Variants in GPR84 observed in about 807,000 individuals in gnomAD.
GPR84 encodes the protein G protein-coupled receptor 84.
Under a neutral mutation model 14.9 loss-of-function variants are expected in GPR84, and 8 were observed. That is an observed-to-expected ratio of 0.54 (90% confidence interval 0.31 to 0.97). The LOEUF is 0.97. GPR84 is among the 50% of genes least tolerant of loss of function. The probability of loss-of-function intolerance (pLI) is 0.04; values close to 1 mark genes in which losing one functional copy is unlikely to be tolerated. For synonymous variants in GPR84, 164 were observed against 198.1 expected, an observed-to-expected ratio of 0.83 and a Z score of 1.45; for missense variants, 424 against 498.7, an observed-to-expected ratio of 0.85 and a Z score of 1.43.
chr12:54,363,013 C>G lies in GPR84; in HGVS notation c.839G>C (p.Ser280Thr). ...CTCTGCCATCTGCTTAGCTCTCTTG[C>G]TGTTGATCTGGTCTCCCACTTCTGA... ...DSSEVGDQINSKRAKQMAEKS... is the reference protein window; with the variant it reads ...DSSEVGDQINTKRAKQMAEKS... Residue 280 changes from serine to threonine, a missense_variant, in exon 2 of 2, where the codon AGC becomes ACC. By Grantham distance (58) the Ser-to-Thr change is moderately conservative. Coordinates refer to ENST00000267015, the MANE Select transcript of GPR84 (RefSeq NM_020370.3). 1 of 1,614,186 alleles carries G rather than the reference C, an allele frequency of 6.2e-7. No individual in the cohort carries two copies.
At position 54,362,664 on chromosome 12, in the gene GPR84, A is replaced by T. The variant is rs780922559; in HGVS notation, c.1188T>A (p.His396Gln). ...TCTGGTGACTAGGGTCACAGTTCTA[A>T]TGGAGCCTATGGAAACTCCGGGGCC... is the stretch of plus-strand genomic sequence containing the variant. Reference protein sequence around the residue: ...KRGPRSFHRLH With the variant: ...KRGPRSFHRLQ The change falls in exon 2 of 2, where the codon CAT (histidine) becomes CAA (glutamine). Residue 396 changes from histidine to glutamine, a missense_variant. Transcript: ENST00000267015. This position sits in a 1 kb window ranked among gnomAD's most constrained non-coding sequence, Gnocchi z 4.0. 2 of 1,596,070 alleles carry T rather than the reference A, an allele frequency of 1.3e-6. No individual in the cohort carries two copies. The highest frequency in any genetic ancestry group is 4.5e-5 in the East Asian group (2 of 44,700).
chr12:54,359,199 G>T (rs557598661), downstream of GPR84, among the ~76,000 whole-genome samples: 1 of 152,142 alleles, frequency 6.6e-6, no homozygotes, highest in Non-Finnish European at 1.5e-5. Flanking sequence ...CCCTCCCCGC[G>T]GCTGCTGAGC....
chr12:54,356,415 T>G, the GPR84 span, among the ~76,000 whole-genome samples: 1 of 152,096 alleles, frequency 6.6e-6, no homozygotes, highest in Non-Finnish European at 1.5e-5. Flanking sequence ...AGACAGGGTG[T>G]GTGCTTGAGG....
chr12:54,363,219 T>C lies in GPR84; in HGVS notation c.633A>G (p.Ala211=). 6.2e-7 allele frequency: 1 copy of C among 1,614,212 alleles called. No homozygotes were observed. Among genetic ancestry groups the C allele is most frequent in the Non-Finnish European group, 8.5e-7 (1 of 1,180,040 alleles). Reference sequence around the variant, plus strand: ...CCTGTCGCAACTTGTATTGGTCCAGTGCCTGTGCTGCTCGTTTGACCTGGC... The same window carrying C: ...CCTGTCGCAACTTGTATTGGTCCAGCGCCTGTGCTGCTCGTTTGACCTGGC... ...IHRQVKRAAQ[A]LDQYKLRQAS... is the part of the protein sequence containing the mutation. Residue 211 remains alanine, a synonymous_variant, in exon 2 of 2, where the codon GCA becomes GCG. Transcript: ENST00000267015.
At chr12:54,359,589 C>A (rs1283507617), downstream of GPR84, among the ~76,000 whole-genome samples, 1 of 152,114 alleles carries the variant, frequency 6.6e-6, no homozygotes, top group African/African-American at 2.4e-5. Flanking sequence ...GGATAGAGCT[C>A]GGACTCGGGC....
downstream of GPR84, among the ~76,000 whole-genome samples, chr12:54,358,051 G>A (rs924513555): frequency 4.3e-4 from 65 of 152,118 alleles, no homozygotes; most frequent in African/African-American, 1.4e-3. Flanking sequence ...ATGTGTGGGT[G>A]GGGCCTTGGG....
Position 54,363,766 on chromosome 12 carries a change from A to AC in GPR84, c.85dup (p.Val29GlyfsTer38). The AC allele has an allele frequency of 1.2e-6, 2 of 1,613,788 alleles. No individual in the cohort carries two copies. Among genetic ancestry groups the AC allele is most frequent in the Non-Finnish European group, 1.7e-6 (2 of 1,179,934 alleles). On this transcript the variant is annotated frameshift_variant, in exon 2 of 2. Coordinates refer to ENST00000267015, the MANE Select transcript of GPR84 (RefSeq NM_020370.3). LOFTEE classifies it high-confidence loss of function. ...GCCCACGGTGCCTGTCACAGCCACC[A>AC]CCACCCCCCAGCTAACTGCAACATA... is the stretch of plus-strand genomic sequence containing the variant.
Position 54,362,668 on chromosome 12 carries a change from A to T in GPR84, c.1184T>A (p.Leu395His), listed in dbSNP as rs559871359. Reference protein sequence around the residue: ...LKRGPRSFHRLH With the variant: ...LKRGPRSFHRHH ...GTGACTAGGGTCACAGTTCTAATGG[A>T]GCCTATGGAAACTCCGGGGCCCTCT... The change falls in exon 2 of 2, where the codon CTC (leucine) becomes CAC (histidine). Residue 395 changes from leucine (L) to histidine (H), a missense_variant. Physicochemically the swap from Leu to His is moderately conservative, Grantham distance 99. Transcript: ENST00000267015. This position sits in a 1 kb window ranked among gnomAD's most constrained non-coding sequence, Gnocchi z 4.0. 1 of 1,600,058 alleles carries T rather than the reference A, an allele frequency of 6.2e-7. No individual in the cohort carries two copies. Among genetic ancestry groups the T allele is most frequent in the Non-Finnish European group, 8.5e-7 (1 of 1,170,144 alleles).
chr12:54,351,304 C>T, the GPR84 span: 2 of 152,184 alleles, frequency 1.3e-5, no homozygotes, highest in African/African-American at 4.8e-5. Flanking sequence ...GGAGCAAAGC[C>T]AGTTCCTAAA....
At chr12:54,354,839 TC>T in the GPR84 span, among the ~76,000 whole-genome samples, 11 of 152,080 alleles carry the variant, frequency 7.2e-5, no homozygotes, top group African/African-American at 2.7e-4. Context: ...ACCCTGCCCT[TC>T]CGTGCCATAT....
chr12:54,362,754 G>T lies in GPR84; in HGVS notation c.1098C>A (p.Asn366Lys). The T allele has an allele frequency of 1.9e-6, 3 of 1,614,136 alleles. No homozygotes were observed. The highest frequency in any genetic ancestry group is 2.7e-5 in the African/African-American group (2 of 75,026). ...GGTTCATGGCTGCATAGAGCACAGG[G>T]TTGATGCAACCATTGAGCCAGGTGA... ...ANLTWLNGCI[N>K]PVLYAAMNRQ... Residue 366 changes from asparagine (N) to lysine (K), a missense_variant, in exon 2 of 2, where the codon AAC becomes AAA. By Grantham distance (94) the Asn-to-Lys change is moderately conservative. Transcript: ENST00000267015. The surrounding 1 kb of genome is among the most constrained non-coding windows in gnomAD (Gnocchi z 4.0).
At position 54,362,657 on chromosome 12, in the gene GPR84, A is replaced by G. The variant is rs897261689; in HGVS notation, c.*4T>C. ...CCTGAATTCTGGTGACTAGGGTCAC[A>G]GTTCTAATGGAGCCTATGGAAACTC... On this transcript the variant is annotated 3_prime_UTR_variant, in exon 2 of 2. Coordinates refer to ENST00000267015, the MANE Select transcript of GPR84 (RefSeq NM_020370.3). The surrounding 1 kb of genome is among the most constrained non-coding windows in gnomAD (Gnocchi z 4.0). 1 of 1,571,958 alleles carries G rather than the reference A, an allele frequency of 6.4e-7. No individual in the cohort carries two copies. The highest frequency in any genetic ancestry group is 8.7e-7 in the Non-Finnish European group (1 of 1,150,234).
At chr12:54,358,551 CTT>C (rs1214976263), downstream of GPR84, among the ~76,000 whole-genome samples, 1 of 152,014 alleles carries the variant, frequency 6.6e-6, no homozygotes, top group Non-Finnish European at 1.5e-5. Flanking sequence ...CCTATTGCGC[CTT>C]TCTCTGTCTT....
chr12:54,358,983 C>T (rs1486883335), downstream of GPR84, among the ~76,000 whole-genome samples: 1 of 152,160 alleles, frequency 6.6e-6, no homozygotes, highest in Non-Finnish European at 1.5e-5. Context: ...CCCCATCATC[C>T]CTTCAGTTCC....
At chr12:54,356,409 A>C in the GPR84 span, among the ~76,000 whole-genome samples, 2 of 152,170 alleles carry the variant, frequency 1.3e-5, no homozygotes, top group Admixed American at 1.3e-4. Context: ...CTCAGCAGAC[A>C]GGGTGTGTGC....
Position 54,363,121 on chromosome 12 carries a change from C to G in GPR84, c.731G>C (p.Arg244Thr). 1 of 1,614,212 alleles carries G rather than the reference C, an allele frequency of 6.2e-7. No homozygotes were observed. Among genetic ancestry groups the G allele is most frequent in the Non-Finnish European group, 8.5e-7 (1 of 1,180,038 alleles). The change falls in exon 2 of 2, where the codon AGG (arginine) becomes ACG (threonine). Residue 244 changes from arginine (R) to threonine (T), a missense_variant. Transcript: ENST00000267015. ...CTCACTGGGTCCTCCTGATGCTAAC[C>G]TGCTGTCCAGCTCCTGGAAACGACC... ...MPGRFQELDS[R>T]LASGGPSEGI...
At chr12:54,359,590 G>T (rs1954248849), downstream of GPR84, among the ~76,000 whole-genome samples, 1 of 152,110 alleles carries the variant, frequency 6.6e-6, no homozygotes, top group South Asian at 2.1e-4. Flanking sequence ...GATAGAGCTC[G>T]GACTCGGGCG....
downstream of GPR84, among the ~76,000 whole-genome samples, chr12:54,361,704 C>T (rs779289222): frequency 1.7e-3 from 259 of 152,280 alleles, 4 homozygotes; most frequent in Middle Eastern, 0.01. This position sits in a 1 kb window ranked among gnomAD's most constrained non-coding sequence, Gnocchi z 4.3. Context: ...GACGGGGTTT[C>T]ACCACGTTGG....
Position 54,362,587 on chromosome 12 carries a change from C to G in GPR84, c.*74G>C, listed in dbSNP as rs565642536. 2 of 880,174 alleles carry G rather than the reference C, an allele frequency of 2.3e-6. No individual in the cohort carries two copies. Among genetic ancestry groups the G allele is most frequent in the African/African-American group, 1.7e-5 (1 of 59,608 alleles). The allele number at this position is 880,174 out of a possible 1,614,324, so 54.5% of individuals were successfully genotyped here. ...GAAAATGCCCACATGTGTTATTTCACCTATTCTCCTATTACCTGGCCACTT... is the reference window on the plus strand; with the variant it reads ...GAAAATGCCCACATGTGTTATTTCAGCTATTCTCCTATTACCTGGCCACTT... On this transcript the variant is annotated 3_prime_UTR_variant, in exon 2 of 2. Transcript: ENST00000267015. The surrounding 1 kb of genome is among the most constrained non-coding windows in gnomAD (Gnocchi z 4.0).
Sources: gnomAD v4.1 joint callset for allele counts (sites outside exome capture counted in the v4.1 genomes callset) on GRCh38, gnomAD v4.1.1 for gene constraint, Gnocchi (gnomAD v3.1) non-coding constraint, MANE v1.5 for transcripts, NCBI Gene and HGNC (gene_info 2026-07-23, HGNC 2026-07-21) for gene names.